EEA1: variants seen among roughly 807,000 people sequenced by gnomAD.
EEA1 encodes the protein early endosome antigen 1, 162kD.
A neutral mutation model predicts 209.2 loss-of-function variants in EEA1; 111 were observed. The ratio of observed to expected loss-of-function variants is 0.53; its 90% CI spans 0.45 to 0.62. The LOEUF is 0.62. EEA1 is among the 20% of genes least tolerant of loss of function. The probability of loss-of-function intolerance (pLI) is 0.00; values close to 1 mark genes in which losing one functional copy is unlikely to be tolerated. For missense variants in EEA1, 1,343 were observed against 1,530.8 expected (o/e 0.88, Z 2.05); for synonymous variants, 536 against 540.6 (o/e 0.99, Z 0.12).
At chr12:92,851,077 A>G (rs1386256639) in intron 9 of EEA1, 34 bp downstream of exon 9, 3 of 1,606,160 alleles carry the variant, frequency 1.9e-6, no homozygotes, top group Non-Finnish European at 2.6e-6. Flanking sequence ...ACAAGCTAAT[A>G]TGAATCACAT....
intron 9 of EEA1, among the ~76,000 whole-genome samples, chr12:92,844,330 G>A (rs1877303183): frequency 6.6e-6 from 1 of 152,064 alleles, no homozygotes; most frequent in African/African-American, 2.4e-5. Context: ...TGCATGGCCT[G>A]ACCTTTTTGG....
chr12:92,912,403 T>C (rs551515506), intron 1 of EEA1, among the ~76,000 whole-genome samples: 2 of 152,292 alleles, frequency 1.3e-5, no homozygotes, highest in South Asian at 2.1e-4. Flanking sequence ...AAGCAGAGAC[T>C]TGAAAGGCGT....
Position 92,801,694 on chromosome 12 carries a change from G to T in EEA1, c.2678C>A (p.Thr893Asn). 6.3e-7 allele frequency: 1 copy of T among 1,576,794 alleles called. No homozygotes were observed. ...AAGTTGATGCTTTAATTCTTTGCAA[G>T]TTTTTTCCTTAAAAAAAATGAAAAC... ...GKAAILDLEK[T>N]CKELKHQLQV... Residue 893 changes from threonine to asparagine, a missense_variant, in exon 20 of 29, where the codon ACT becomes AAT. Transcript: ENST00000322349.
At chr12:92,859,298 T>C (rs1592741679) in intron 3 of EEA1, 12 of 1,508,832 alleles carry the variant, frequency 8.0e-6, no homozygotes, top group South Asian at 1.2e-5. Context: ...TTTTTCCCCA[T>C]ACTTGTTGGC....
At chr12:92,826,856 T>C (rs1439726211) in intron 12 of EEA1, among the ~76,000 whole-genome samples, 1 of 152,206 alleles carries the variant, frequency 6.6e-6, no homozygotes, top group East Asian at 1.9e-4. Context: ...TTATTATTTT[T>C]TTGTAAACTA....
At chr12:92,818,751 T>G (rs1875912727) in intron 14 of EEA1, among the ~76,000 whole-genome samples, 1 of 152,196 alleles carries the variant, frequency 6.6e-6, no homozygotes, top group African/African-American at 2.4e-5. Context: ...CTTTTTTGTT[T>G]GAAAATGTAT....
Position 92,776,903 on chromosome 12 carries a change from C to G in EEA1, c.4054G>C (p.Asp1352His), listed in dbSNP as rs1422766976. 6.2e-7 allele frequency: 1 copy of G among 1,611,918 alleles called. No homozygotes were observed. The change falls in exon 28 of 29, where the codon GAC (aspartate) becomes CAC (histidine). Residue 1352 changes from aspartate (D) to histidine (H), a missense_variant. Coordinates refer to ENST00000322349, the MANE Select transcript of EEA1 (RefSeq NM_003566.4). ...TQALNRKWAE[D>H]NEVQNCMACG... ...GCCATACAGTTTTGTACTTCATTGT[C>G]TTCGGCCCACTTTCTATTCAACGCT...
chr12:92,816,551 T>C, intron 14 of EEA1, 151 bp from the exon 15 acceptor site: 3 of 619,260 alleles, frequency 4.8e-6, no homozygotes, highest in South Asian at 4.1e-5. Flanking sequence ...CCAAAATATG[T>C]CAACATAGTA....
chr12:92,826,845 TTTA>T (rs1447737917), intron 12 of EEA1, among the ~76,000 whole-genome samples: 1 of 152,172 alleles, frequency 6.6e-6, no homozygotes, highest in African/African-American at 2.4e-5. Context: ...TGGCATTTAG[TTTA>T]TTATTTTTTT....
intron 1 of EEA1, among the ~76,000 whole-genome samples, chr12:92,903,312 A>C (rs187541560): frequency 2.6e-5 from 4 of 151,350 alleles, no homozygotes; most frequent in Admixed American, 6.6e-5. Context: ...AAAAATGAGA[A>C]TGCAGTCGGA....
intron 6 of EEA1, 92 bp downstream of exon 6, chr12:92,853,823 A>C: frequency 8.5e-7 from 1 of 1,171,126 alleles, no homozygotes; most frequent in South Asian, 1.5e-5. Context: ...ACCATGAAAC[A>C]AAATTCATTT....
intron 21 of EEA1, among the ~76,000 whole-genome samples, chr12:92,798,353 T>TA (rs1296484169): frequency 1.3e-5 from 2 of 151,672 alleles, no homozygotes; most frequent in East Asian, 1.9e-4. Context: ...TTATTATTAT[T>TA]TTTTTTTGAG....
chr12:92,921,983 CCT>C (rs928161191), intron 1 of EEA1, among the ~76,000 whole-genome samples: 9 of 151,970 alleles, frequency 5.9e-5, no homozygotes, highest in African/African-American at 2.2e-4. Flanking sequence ...GTCTGTACTC[CCT>C]GTTTCTATTC....
At chr12:92,853,652 C>T (rs970366187) in intron 6 of EEA1, among the ~76,000 whole-genome samples, 14 of 152,072 alleles carry the variant, frequency 9.2e-5, no homozygotes, top group Non-Finnish European at 1.8e-4. Flanking sequence ...TTTCATTAAA[C>T]AACCATATTA....
At chr12:92,837,657 GAAAGTTTCTTC>G (rs991330747) in intron 10 of EEA1, among the ~76,000 whole-genome samples, 4 of 152,196 alleles carry the variant, frequency 2.6e-5, no homozygotes, top group Non-Finnish European at 5.9e-5. Flanking sequence ...AAACTAGGAA[GAAAGTTTCTTC>G]AATTTTTCCA....
At chr12:92,880,843 G>A (rs918144277) in intron 2 of EEA1, among the ~76,000 whole-genome samples, 1 of 152,056 alleles carries the variant, frequency 6.6e-6, no homozygotes, top group South Asian at 2.1e-4. Context: ...TATTCCTTCT[G>A]CCAAGTACAG....
intron 13 of EEA1, among the ~76,000 whole-genome samples, chr12:92,824,527 T>C (rs909726931): frequency 1.1e-4 from 17 of 152,190 alleles, no homozygotes; most frequent in African/African-American, 3.9e-4. Context: ...CTGCCCTTTT[T>C]AACTCTTCTA....
intron 17 of EEA1, among the ~76,000 whole-genome samples, chr12:92,810,440 C>T (rs1875433518): frequency 6.6e-6 from 1 of 151,984 alleles, no homozygotes; most frequent in African/African-American, 2.4e-5. Context: ...AGTACCTTGC[C>T]TTTGCTATTA....
chr12:92,907,216 C>T (rs1880418293), intron 1 of EEA1, among the ~76,000 whole-genome samples: 1 of 152,186 alleles, frequency 6.6e-6, no homozygotes, highest in Admixed American at 6.5e-5. Context: ...TTTTCATTAA[C>T]ACCATTGCTG....
Sources: allele counts gnomAD v4.1 joint callset (sites outside exome capture counted in the v4.1 genomes callset), GRCh38; gene constraint gnomAD v4.1.1; transcripts MANE v1.5; gene names NCBI Gene and HGNC (gene_info 2026-07-23, HGNC 2026-07-21).